The following RAB14 variants were observed in gnomAD, a reference collection of about 807,000 sequenced individuals.
RAB14 encodes the protein ras-related protein Rab-14.
In RAB14, 3 loss-of-function variants were observed where a neutral mutation model predicts 31.1. That is an observed-to-expected ratio of 0.10 (90% confidence interval 0.04 to 0.25). The LOEUF (loss-of-function observed/expected upper bound fraction) is 0.25. RAB14 is among the 10% of genes least tolerant of loss of function. The probability of loss-of-function intolerance (pLI) is 1.00; values close to 1 mark genes in which losing one functional copy is unlikely to be tolerated. For synonymous variants in RAB14, 85 were observed against 84.9 expected (o/e 1.00, Z 0.00); for missense variants, 111 against 260.1 (o/e 0.43, Z 3.94).
chr9:121,183,830 C>T (rs537610573), intron 5 of RAB14, among the ~76,000 whole-genome samples: 222 of 152,268 alleles, frequency 1.5e-3, no homozygotes, highest in African/African-American at 5.1e-3. Context: ...CCAAAGATTA[C>T]GATATAGCTG....
At chr9:121,201,420 A>C (rs1049170925) in intron 1 of RAB14, among the ~76,000 whole-genome samples, 1 of 151,974 alleles carries the variant, frequency 6.6e-6, no homozygotes, top group Non-Finnish European at 1.5e-5. Flanking sequence ...CTCAGGCCGG[A>C]GCCGCGCAGG....
chr9:121,190,743 G>GA lies in RAB14; in HGVS notation c.107-13dup. 6.2e-7 allele frequency: 1 copy of GA among 1,605,000 alleles called. No individual in the cohort carries two copies. The highest frequency in any genetic ancestry group is 1.3e-5 in the African/African-American group (1 of 74,198). Reference sequence around the variant, plus strand: ...ACAATCAGCCATAACTGTTAAGGAGGAAAAAAAGTAATAGCCCAATTTTCA... The same window carrying GA: ...ACAATCAGCCATAACTGTTAAGGAGGAAAAAAAAGTAATAGCCCAATTTTCA... On this transcript the variant is annotated splice_polypyrimidine_tract_variant and intron_variant, in intron 3 of 7. Transcript: ENST00000373840.
Position 121,201,104 on chromosome 9 carries a change from C to T in RAB14, c.-8+535G>A, listed in dbSNP as rs556319854. On this transcript the variant is annotated intron_variant, in intron 1 of 7. Transcript: ENST00000373840. Reference sequence around the variant, plus strand: ...GGCTGCAGGGCCGGGCTCCCCACATCGACAAGGACACCGGAGCTGCCCCGA... The same window carrying T: ...GGCTGCAGGGCCGGGCTCCCCACATTGACAAGGACACCGGAGCTGCCCCGA... Among the ~76,000 whole-genome samples, 27 of 152,158 alleles carry T rather than the reference C, an allele frequency of 1.8e-4. No individual in the cohort carries two copies. The East Asian group carries it at 4.5e-3, about 25-fold the overall frequency.
chr9:121,188,209 T>C (rs925583366), intron 4 of RAB14, among the ~76,000 whole-genome samples: 2 of 151,960 alleles, frequency 1.3e-5, no homozygotes, highest in African/African-American at 4.8e-5. Flanking sequence ...ATACAATTTT[T>C]AAAAAGCACA....
chr9:121,192,659 GTCTTATACT>G, intron 2 of RAB14, among the ~76,000 whole-genome samples: 1 of 151,996 alleles, frequency 6.6e-6, no homozygotes, highest in African/African-American at 2.4e-5. Flanking sequence ...CTAGGTCCCT[GTCTTATACT>G]TCTTGTATTA....
At chr9:121,189,896 C>G (rs1001137480) in intron 4 of RAB14, among the ~76,000 whole-genome samples, 4 of 152,026 alleles carry the variant, frequency 2.6e-5, no homozygotes, top group Non-Finnish European at 5.9e-5. Flanking sequence ...ACAAACAGTG[C>G]AGGGTCTAAT....
chr9:121,189,869 T>C (rs1182723593), intron 4 of RAB14, among the ~76,000 whole-genome samples: 2 of 152,158 alleles, frequency 1.3e-5, no homozygotes. Context: ...TCCAGTTCAT[T>C]TTCTAGCTTA....
At chr9:121,186,331 A>G (rs879506457) in intron 5 of RAB14, among the ~76,000 whole-genome samples, 3 of 152,120 alleles carry the variant, frequency 2.0e-5, no homozygotes, top group African/African-American at 4.8e-5. Flanking sequence ...AGTTATCTGC[A>G]TATCTGCTGG....
At chr9:121,183,034 A>G in intron 6 of RAB14, 74 bp from the exon 7 acceptor site, 6 of 1,436,364 alleles carry the variant, frequency 4.2e-6, no homozygotes, top group Non-Finnish European at 5.8e-6. Context: ...GTAACATCTG[A>G]AAAAGTTTCC....
At chr9:121,187,479 G>C (rs770790571) in intron 4 of RAB14, among the ~76,000 whole-genome samples, 3 of 151,998 alleles carry the variant, frequency 2.0e-5, no homozygotes, top group Non-Finnish European at 4.4e-5. Context: ...TAAAAACCAA[G>C]TCACACTATT....
chr9:121,190,863 TAA>T, intron 3 of RAB14, 132 bp from the exon 4 acceptor site: 3 of 728,460 alleles, frequency 4.1e-6, no homozygotes, highest in Non-Finnish European at 6.1e-6. Flanking sequence ...AAGCTACCGC[TAA>T]AAAAAAAATT....
At chr9:121,194,090 T>TCTCACACACACA (rs762438919) in intron 1 of RAB14, among the ~76,000 whole-genome samples, 29 of 141,400 alleles carry the variant, frequency 2.1e-4, no homozygotes, top group South Asian at 6.5e-4. Flanking sequence ...TTGCAGATTA[T>TCTCACACACACA]CACTCACACA....
chr9:121,192,022 CATTTT>C, intron 3 of RAB14, 144 bp downstream of exon 3: 1 of 439,156 alleles, frequency 2.3e-6, no homozygotes, highest in Non-Finnish European at 3.9e-6. Flanking sequence ...TGGCATATTT[CATTTT>C]ATCTGTACCC....
intron 1 of RAB14, among the ~76,000 whole-genome samples, chr9:121,194,094 TCACACACACA>T (rs56303323): frequency 7.2e-5 from 10 of 139,046 alleles, no homozygotes; most frequent in East Asian, 2.1e-4. Context: ...AGATTATCAC[TCACACACACA>T]CACACACACA....
Position 121,181,529 on chromosome 9 carries a change from A to C in RAB14, c.515T>G (p.Ile172Ser), listed in dbSNP as rs1205760401. The change falls in exon 8 of 8, where the codon ATC (isoleucine) becomes AGC (serine). Residue 172 changes from isoleucine to serine, a missense_variant. By Grantham distance (142) the Ile-to-Ser change is moderately radical. Transcript: ENST00000373840. The part of the protein sequence containing the change: ...EDAFLEAAKK[I>S]YQNIQDGSLD... ...GCTTCCATCCTGAATGTTCTGATAG[A>C]TTTTCTTGGCAGCCTCAAGGAAGGC... 6.2e-7 allele frequency: 1 copy of C among 1,612,786 alleles called. No homozygotes were observed.
rs927752375 is a variant in RAB14, at chr9:121,178,396, T to C, written c.*3000A>G. ...TGGGACACAATTTTCTGGGCCTGTG[T>C]TGAATGAGGATAAATTATCTTTTCT... On this transcript the variant is annotated 3_prime_UTR_variant, in exon 8 of 8. Transcript: ENST00000373840. The C allele has an allele frequency of 6.6e-6, 1 of 152,614 alleles. No individual in the cohort carries two copies. The highest frequency in any genetic ancestry group is 2.4e-5 in the African/African-American group (1 of 41,462). 9.5% of individuals were successfully genotyped at this position (152,614 alleles called of 1,614,324 possible).
At chr9:121,188,054 A>G (rs2053667026) in intron 4 of RAB14, among the ~76,000 whole-genome samples, 1 of 151,990 alleles carries the variant, frequency 6.6e-6, no homozygotes, top group Non-Finnish European at 1.5e-5. Context: ...CCCAATGAGA[A>G]CTGAAAAGAA....
intron 7 of RAB14, among the ~76,000 whole-genome samples, chr9:121,182,094 C>T (rs1361547807): frequency 6.6e-6 from 1 of 152,088 alleles, no homozygotes; most frequent in Non-Finnish European, 1.5e-5. Context: ...GTACTGAAAG[C>T]CCTTTCTACA....
intron 1 of RAB14, among the ~76,000 whole-genome samples, chr9:121,197,535 CTAAT>C (rs757381748): frequency 6.6e-6 from 1 of 152,128 alleles, no homozygotes; most frequent in Non-Finnish European, 1.5e-5. Flanking sequence ...ATATTAAACA[CTAAT>C]TATTGTTGTG....
Sources: gnomAD v4.1 joint callset for allele counts (sites outside exome capture counted in the v4.1 genomes callset) on GRCh38, gnomAD v4.1.1 for gene constraint, MANE v1.5 for transcripts, NCBI Gene and HGNC (gene_info 2026-07-23, HGNC 2026-07-21) for gene names.